Variants in RAB3C observed in about 807,000 individuals in gnomAD.
The protein encoded by RAB3C is RAB3C, member RAS oncogene family, also known as ras-related protein Rab-3C.
Under a neutral mutation model 26.4 loss-of-function variants are expected in RAB3C, and 17 were observed. That is an observed-to-expected ratio of 0.64 (90% CI 0.44 to 0.97). The LOEUF (loss-of-function observed/expected upper bound fraction) is 0.97. RAB3C is among the 50% of genes least tolerant of loss of function. RAB3C has a pLI of 0.00. For synonymous variants in RAB3C, 91 were observed against 95.9 expected (o/e 0.95, Z 0.30); for missense variants, 242 against 281.9 (o/e 0.86, Z 1.01).
chr5:58,687,177 T>C (rs566998824), intron 2 of RAB3C, among the ~76,000 whole-genome samples: 24 of 152,250 alleles, frequency 1.6e-4, no homozygotes, highest in Non-Finnish European at 3.4e-4. Context: ...CTAGAAATGA[T>C]TGTGGTTTGT....
intron 2 of RAB3C, among the ~76,000 whole-genome samples, chr5:58,682,773 A>G (rs1442356860): frequency 6.6e-6 from 1 of 152,166 alleles, no homozygotes; most frequent in East Asian, 1.9e-4. Context: ...AGGGAAGTGT[A>G]AGAGAAGGAA....
At chr5:58,753,032 C>T (rs1341801953) in intron 3 of RAB3C, among the ~76,000 whole-genome samples, 2 of 152,004 alleles carry the variant, frequency 1.3e-5, no homozygotes, top group African/African-American at 2.4e-5. Flanking sequence ...AAAAAATCTA[C>T]ATTGCTATCA....
At chr5:58,780,888 T>C (rs577857197) in intron 3 of RAB3C, among the ~76,000 whole-genome samples, 3 of 152,096 alleles carry the variant, frequency 2.0e-5, no homozygotes, top group African/African-American at 7.2e-5. Context: ...ACAATTTCTT[T>C]CTCCATTGTA....
intron 3 of RAB3C, among the ~76,000 whole-genome samples, chr5:58,743,939 A>T (rs570941766): frequency 6.6e-6 from 1 of 152,354 alleles, no homozygotes. Flanking sequence ...CTGTATTTTC[A>T]GAACTATTTT....
chr5:58,781,896 T>A (rs543098419), intron 3 of RAB3C, among the ~76,000 whole-genome samples: 1 of 152,286 alleles, frequency 6.6e-6, no homozygotes, highest in South Asian at 2.1e-4. Flanking sequence ...ATTTTACTCA[T>A]TTTTCAAGGT....
Position 58,856,786 on chromosome 5 carries a change from C to T in RAB3C, c.*5435C>T, listed in dbSNP as rs1173531947. ...CTTTCAGGGACGTGAGCATGACTTA[C>T]ATCTGTCAAGTGGTTCCATACTTCT... On this transcript the variant is annotated 3_prime_UTR_variant, in exon 5 of 5. Transcript: ENST00000282878. The T allele has an allele frequency of 1.3e-5, 2 of 152,188 alleles. No individual in the cohort carries two copies. The highest frequency in any genetic ancestry group is 2.9e-5 in the Non-Finnish European group (2 of 68,040). 9.4% of individuals were successfully genotyped at this position (152,188 alleles called of 1,614,324 possible).
At chr5:58,602,166 C>T (rs758152493) in intron 1 of RAB3C, among the ~76,000 whole-genome samples, 4 of 151,846 alleles carry the variant, frequency 2.6e-5, no homozygotes, top group Non-Finnish European at 5.9e-5. Context: ...TTTGAAGGTT[C>T]CTTTTGGAAT....
At chr5:58,739,974 G>T (rs1741242586) in intron 3 of RAB3C, among the ~76,000 whole-genome samples, 1 of 152,186 alleles carries the variant, frequency 6.6e-6, no homozygotes, top group Admixed American at 6.5e-5. Context: ...ATTTTTAGTT[G>T]GTTTCCAAAC....
chr5:58,810,364 GCTCTCT>G (rs143427018), intron 3 of RAB3C, among the ~76,000 whole-genome samples: 2 of 103,460 alleles, frequency 1.9e-5, no homozygotes, highest in African/African-American at 3.1e-5. Context: ...TACTCTGTGT[GCTCTCT>G]CTCTCTCTCT....
At chr5:58,828,122 G>A (rs937210010) in intron 4 of RAB3C, among the ~76,000 whole-genome samples, 1 of 152,102 alleles carries the variant, frequency 6.6e-6, no homozygotes, top group African/African-American at 2.4e-5. Flanking sequence ...TTCTTGTATG[G>A]CAGCTGTCGG....
chr5:58,732,161 T>C (rs1206859447), intron 3 of RAB3C, among the ~76,000 whole-genome samples: 1 of 151,428 alleles, frequency 6.6e-6, no homozygotes, highest in African/African-American at 2.4e-5. Context: ...ACAGGTTAGT[T>C]ACATATGTAT....
chr5:58,719,562 G>C (rs1029487249), intron 2 of RAB3C, among the ~76,000 whole-genome samples: 17 of 151,930 alleles, frequency 1.1e-4, no homozygotes, highest in African/African-American at 4.1e-4. Flanking sequence ...GCACAAACTG[G>C]GTGGCTTAAC....
At chr5:58,840,732 A>T (rs1466787690) in intron 4 of RAB3C, among the ~76,000 whole-genome samples, 1 of 152,124 alleles carries the variant, frequency 6.6e-6, no homozygotes, top group Admixed American at 6.6e-5. Context: ...CTAGTAGCAT[A>T]AGCAAGTTTC....
intron 3 of RAB3C, among the ~76,000 whole-genome samples, chr5:58,757,681 A>G (rs1741704524): frequency 6.6e-6 from 1 of 151,924 alleles, no homozygotes; most frequent in African/African-American, 2.4e-5. Flanking sequence ...TAATTATTGT[A>G]TAATTTTTTT....
chr5:58,669,228 C>A (rs1188798192), intron 2 of RAB3C, among the ~76,000 whole-genome samples: 1 of 152,086 alleles, frequency 6.6e-6, no homozygotes, highest in African/African-American at 2.4e-5. Flanking sequence ...TAATTACAAG[C>A]AATGAGTAAC....
At chr5:58,845,248 G>C (rs1743963070) in intron 4 of RAB3C, among the ~76,000 whole-genome samples, 2 of 152,082 alleles carry the variant, frequency 1.3e-5, no homozygotes, top group Non-Finnish European at 2.9e-5. Context: ...CTTCTCTGAG[G>C]CTTCCTTTGC....
Position 58,855,427 on chromosome 5 carries a change from C to T in RAB3C, c.*4076C>T, listed in dbSNP as rs1744236506. 6.6e-6 allele frequency: 1 copy of T among 152,184 alleles called. No homozygotes were observed. The highest frequency in any genetic ancestry group is 2.4e-5 in the African/African-American group (1 of 41,428). 9.4% of individuals were successfully genotyped at this position (152,184 alleles called of 1,614,324 possible). A position where few individuals can be genotyped will look rare whatever the true frequency, so the allele number is the denominator to read the frequency against. The stretch of plus-strand genomic sequence containing the variant: ...TGAAGAACCCTTTCTCTCACAATTA[C>T]AGTTTGCATGACTAGAACCCGGAAC... On this transcript the variant is annotated 3_prime_UTR_variant, in exon 5 of 5. Transcript: ENST00000282878.
intron 2 of RAB3C, among the ~76,000 whole-genome samples, chr5:58,710,850 A>G (rs769028401): frequency 6.6e-6 from 1 of 151,972 alleles, no homozygotes; most frequent in Non-Finnish European, 1.5e-5. Context: ...TGATTTCTAC[A>G]TTTTCATTTC....
At chr5:58,824,229 G>A (rs755211809) in intron 3 of RAB3C, among the ~76,000 whole-genome samples, 1 of 151,702 alleles carries the variant, frequency 6.6e-6, no homozygotes, top group Non-Finnish European at 1.5e-5. Context: ...ATAGTCCTTT[G>A]GGTATATACC....
Sources: gnomAD v4.1 joint callset for allele counts (sites outside exome capture counted in the v4.1 genomes callset) on GRCh38, gnomAD v4.1.1 for gene constraint, MANE v1.5 for transcripts, NCBI Gene and HGNC (gene_info 2026-07-23, HGNC 2026-07-21) for gene names.